PTPRM: variants seen among roughly 807,000 people sequenced by gnomAD.
The protein encoded by PTPRM is protein tyrosine phosphatase receptor type M, also known as receptor-type tyrosine-protein phosphatase mu.
In PTPRM, 47 loss-of-function variants were observed where a neutral mutation model predicts 186.7. The observed-to-expected ratio is 0.25, with a 90% CI of 0.20 to 0.32. The LOEUF (loss-of-function observed/expected upper bound fraction) is 0.32. Among genes scored for constraint, PTPRM ranks in the 10% least tolerant of loss-of-function variants. The pLI, the probability that PTPRM is intolerant of heterozygous loss-of-function variation, is 1.00. For missense variants in PTPRM, 1,494 were observed against 1,865.0 expected (o/e 0.80, Z 3.66); for synonymous variants, 668 against 674.9 (o/e 0.99, Z 0.16).
At chr18:7,621,319 T>A (rs1471552362) in intron 1 of PTPRM, among the ~76,000 whole-genome samples, 1 of 152,190 alleles carries the variant, frequency 6.6e-6, no homozygotes, top group East Asian at 1.9e-4. Context: ...GAGTATTTTT[T>A]AAAGAAGAGC....
intron 3 of PTPRM, among the ~76,000 whole-genome samples, chr18:7,891,050 G>C (rs1327853714): frequency 6.6e-6 from 1 of 151,942 alleles, no homozygotes; most frequent in Non-Finnish European, 1.5e-5. Flanking sequence ...GCCGAGGTGG[G>C]AGGATCACCT....
chr18:8,107,255 G>C (rs529139228), intron 11 of PTPRM, among the ~76,000 whole-genome samples: 7 of 152,298 alleles, frequency 4.6e-5, no homozygotes, highest in African/African-American at 1.7e-4. Context: ...CCTTAAAGAT[G>C]TTCCATCTAG....
At chr18:8,307,520 G>C (rs1038214727) in intron 20 of PTPRM, among the ~76,000 whole-genome samples, 3 of 152,256 alleles carry the variant, frequency 2.0e-5, no homozygotes, top group African/African-American at 7.2e-5. Flanking sequence ...GAAAGCTATA[G>C]AGGCCAGGCG....
intron 2 of PTPRM, among the ~76,000 whole-genome samples, chr18:7,819,218 G>C (rs1252432294): frequency 6.6e-6 from 1 of 152,172 alleles, no homozygotes; most frequent in Non-Finnish European, 1.5e-5. Flanking sequence ...GGTGAGGACA[G>C]GCACTCCTGC....
intron 1 of PTPRM, among the ~76,000 whole-genome samples, chr18:7,656,537 A>G (rs2038853212): frequency 6.6e-6 from 1 of 152,132 alleles, no homozygotes; most frequent in Non-Finnish European, 1.5e-5. Context: ...TGCACTTAAG[A>G]CTGTGAATTT....
intron 7 of PTPRM, among the ~76,000 whole-genome samples, chr18:8,025,552 A>G (rs1237050380): frequency 6.6e-6 from 1 of 152,174 alleles, no homozygotes; most frequent in Non-Finnish European, 1.5e-5. Flanking sequence ...TTGTTGATTC[A>G]TTTAACAATT....
At chr18:7,956,082 A>G (rs955566692) in intron 7 of PTPRM, among the ~76,000 whole-genome samples, 2 of 152,174 alleles carry the variant, frequency 1.3e-5, no homozygotes, top group South Asian at 2.1e-4. Flanking sequence ...TAGAGATTGT[A>G]GTGTTGTTTC....
intron 13 of PTPRM, among the ~76,000 whole-genome samples, chr18:8,117,652 A>C (rs545307975): frequency 6.6e-6 from 1 of 152,128 alleles, no homozygotes; most frequent in African/African-American, 2.4e-5. Flanking sequence ...GGGATTGCCT[A>C]TATTTTTATG....
At chr18:8,004,362 T>C (rs2147798418) in intron 7 of PTPRM, among the ~76,000 whole-genome samples, 1 of 152,146 alleles carries the variant, frequency 6.6e-6, no homozygotes, top group East Asian at 1.9e-4. Flanking sequence ...GTCTGCCTTA[T>C]AGGGAATTGC....
chr18:7,767,357 G>A (rs918668822), intron 1 of PTPRM, among the ~76,000 whole-genome samples: 2 of 152,104 alleles, frequency 1.3e-5, no homozygotes, highest in Non-Finnish European at 2.9e-5. Flanking sequence ...CGTGTACTGG[G>A]TCAAGATGTC....
chr18:8,234,115 C>T (rs2094317885), intron 14 of PTPRM, among the ~76,000 whole-genome samples: 1 of 152,122 alleles, frequency 6.6e-6, no homozygotes, highest in Non-Finnish European at 1.5e-5. Context: ...TCTTTTGCCT[C>T]TCCATATAGA....
At chr18:8,258,190 T>G (rs1300988032) in intron 19 of PTPRM, among the ~76,000 whole-genome samples, 1 of 152,182 alleles carries the variant, frequency 6.6e-6, no homozygotes, top group Non-Finnish European at 1.5e-5. Context: ...TTGTTTATGT[T>G]GCTGTGAGAG....
chr18:8,300,537 C>T (rs1447232987), intron 20 of PTPRM, among the ~76,000 whole-genome samples: 2 of 151,814 alleles, frequency 1.3e-5, no homozygotes, highest in Non-Finnish European at 1.5e-5. Flanking sequence ...TTGAAGTCTC[C>T]GATCCAAGTG....
At chr18:7,756,199 G>T (rs965506365) in intron 1 of PTPRM, among the ~76,000 whole-genome samples, 6 of 152,116 alleles carry the variant, frequency 3.9e-5, no homozygotes, top group African/African-American at 1.4e-4. Context: ...GTTCCTTGTG[G>T]TTGCTTTCAG....
chr18:7,989,076 A>T lies in PTPRM; in HGVS notation c.1132+33662A>T, dbSNP rs182341360. Among the ~76,000 whole-genome samples the T allele has an allele frequency of 4.3e-4, 65 of 152,306 alleles. 1 individual carries two copies. Among genetic ancestry groups the T allele is most frequent in the Middle Eastern group, 3.4e-3 (1 of 294 alleles). ...TATTATTAATACATATTCAATTAAT[A>T]CTTGTTGGTCATAGGTAAGTTGTAA... On this transcript the variant is annotated intron_variant, in intron 7 of 32. Coordinates refer to ENST00000580170, the MANE Select transcript of PTPRM (RefSeq NM_001105244.2).
At chr18:7,670,729 C>A (rs2039199924) in intron 1 of PTPRM, among the ~76,000 whole-genome samples, 3 of 152,248 alleles carry the variant, frequency 2.0e-5, no homozygotes, top group Admixed American at 1.3e-4. Flanking sequence ...CAAAACTGGG[C>A]TGGAACTTAT....
chr18:7,588,362 C>T (rs1208524208), intron 1 of PTPRM, among the ~76,000 whole-genome samples: 1 of 152,074 alleles, frequency 6.6e-6, no homozygotes, highest in Non-Finnish European at 1.5e-5. Flanking sequence ...TAGCAGCTAG[C>T]ATATTTTTGT....
chr18:8,163,396 A>G (rs11872382), intron 14 of PTPRM, among the ~76,000 whole-genome samples: 36,496 of 151,978 alleles, frequency 0.24, 5,274 homozygotes, highest in African/African-American at 0.4. Context: ...AAACACACTC[A>G]CCATTCCTCA....
intron 7 of PTPRM, among the ~76,000 whole-genome samples, chr18:7,981,658 T>A (rs1568123029): frequency 6.6e-6 from 1 of 152,156 alleles, no homozygotes; most frequent in Non-Finnish European, 1.5e-5. Flanking sequence ...CCTTAAGCAA[T>A]GGGGCTGTAT....
Sources: gnomAD v4.1 joint callset for allele counts (sites outside exome capture counted in the v4.1 genomes callset) on GRCh38, gnomAD v4.1.1 for gene constraint, MANE v1.5 for transcripts, NCBI Gene and HGNC (gene_info 2026-07-23, HGNC 2026-07-21) for gene names.